The following CDH8 variants were observed in gnomAD, a reference collection of about 807,000 sequenced individuals.
CDH8 encodes cadherin 8.
A neutral mutation model predicts 68.1 loss-of-function variants in CDH8; 17 were observed. The ratio of observed to expected loss-of-function variants is 0.25; its 90% CI spans 0.17 to 0.37. The LOEUF (loss-of-function observed/expected upper bound fraction) is 0.37. Among genes scored for constraint, CDH8 ranks in the 10% least tolerant of loss-of-function variants. The probability of loss-of-function intolerance (pLI) is 1.00; values close to 1 mark genes in which losing one functional copy is unlikely to be tolerated. For synonymous variants in CDH8, 372 were observed against 365.1 expected (o/e 1.02, Z -0.21); for missense variants, 763 against 999.3 (o/e 0.76, Z 3.19).
At chr16:61,732,537 A>G (rs992536189) in intron 8 of CDH8, among the ~76,000 whole-genome samples, 1 of 151,832 alleles carries the variant, frequency 6.6e-6, no homozygotes, top group Non-Finnish European at 1.5e-5. Flanking sequence ...TCTTTCATAA[A>G]TGAAGGTAAA....
chr16:61,726,042 A>G (rs539244680), intron 9 of CDH8: 4 of 145,670 alleles, frequency 2.7e-5, no homozygotes, highest in African/African-American at 1.1e-4. Flanking sequence ...AATAAAGCAT[A>G]CAGCTACAGT....
intron 2 of CDH8, among the ~76,000 whole-genome samples, chr16:61,921,196 T>TATAC (rs1964360511): frequency 6.6e-6 from 1 of 151,024 alleles, no homozygotes; most frequent in Non-Finnish European, 1.5e-5. Context: ...ATGGCACATG[T>TATAC]ATACATATGT....
intron 3 of CDH8, among the ~76,000 whole-genome samples, chr16:61,871,129 AACAC>A (rs569789394): frequency 2.7e-5 from 4 of 150,024 alleles, no homozygotes; most frequent in Non-Finnish European, 4.5e-5. Context: ...CAGCCAGGAA[AACAC>A]ACACACACAC....
At chr16:61,654,534 A>G (rs1023788002) in intron 11 of CDH8, among the ~76,000 whole-genome samples, 33 of 152,170 alleles carry the variant, frequency 2.2e-4, no homozygotes, top group African/African-American at 7.2e-4. Flanking sequence ...GGGCTTTCAC[A>G]GTTTTTCAAG....
chr16:61,719,126 C>T (rs764883696), intron 9 of CDH8, among the ~76,000 whole-genome samples: 6 of 143,048 alleles, frequency 4.2e-5, no homozygotes, highest in Non-Finnish European at 9.3e-5. Context: ...AATGAGCTCA[C>T]CATTTTTTTT....
At chr16:61,917,409 T>C (rs1171052478) in intron 2 of CDH8, among the ~76,000 whole-genome samples, 1 of 152,162 alleles carries the variant, frequency 6.6e-6, no homozygotes, top group East Asian at 1.9e-4. Context: ...CTGTCCCTCC[T>C]ACAAACAAGA....
intron 3 of CDH8, among the ~76,000 whole-genome samples, chr16:61,868,112 C>T (rs1229357033): frequency 6.6e-6 from 1 of 152,118 alleles, no homozygotes; most frequent in Non-Finnish European, 1.5e-5. Flanking sequence ...GCCTCTGAGT[C>T]TGCTATGAAT....
intron 2 of CDH8, among the ~76,000 whole-genome samples, chr16:61,983,673 A>G (rs1285662936): frequency 6.6e-6 from 1 of 152,138 alleles, no homozygotes; most frequent in African/African-American, 2.4e-5. Flanking sequence ...TTTAATTTGC[A>G]TGTCATCTTA....
chr16:61,836,558 A>G (rs7204387), intron 4 of CDH8, among the ~76,000 whole-genome samples: 9,010 of 152,064 alleles, frequency 0.059, 633 homozygotes, highest in East Asian at 0.23. Context: ...CTGTAAAGAC[A>G]GAGACAATAA....
chr16:61,984,988 T>C (rs572690658), intron 2 of CDH8, among the ~76,000 whole-genome samples: 85 of 152,332 alleles, frequency 5.6e-4, no homozygotes, highest in Non-Finnish European at 1.1e-3. Flanking sequence ...TTGGGGCCTT[T>C]TAAATCCAGG....
At chr16:61,657,246 A>G (rs1367609722) in intron 10 of CDH8, among the ~76,000 whole-genome samples, 1 of 152,096 alleles carries the variant, frequency 6.6e-6, no homozygotes, top group Non-Finnish European at 1.5e-5. Flanking sequence ...TTGGAAAACT[A>G]CTGTACCATA....
At chr16:62,034,935 T>C (rs1902416095) in intron 1 of CDH8, 3 of 152,252 alleles carry the variant, frequency 2.0e-5, no homozygotes, top group African/African-American at 7.2e-5. Context: ...TCTCCGCTGG[T>C]GGAGGCAAAC....
intron 4 of CDH8, among the ~76,000 whole-genome samples, chr16:61,830,173 G>A (rs1962425146): frequency 6.6e-6 from 1 of 151,794 alleles, no homozygotes; most frequent in Non-Finnish European, 1.5e-5. Context: ...TGTGTTTGAT[G>A]AGAAACTCTG....
At chr16:61,724,175 T>C (rs1340128106) in intron 9 of CDH8, among the ~76,000 whole-genome samples, 1 of 150,740 alleles carries the variant, frequency 6.6e-6, no homozygotes, top group African/African-American at 2.4e-5. Context: ...GAATGTCACC[T>C]TTAACTTCAG....
chr16:61,837,912 A>G (rs1962601524), intron 4 of CDH8, among the ~76,000 whole-genome samples: 2 of 152,174 alleles, frequency 1.3e-5, no homozygotes, highest in South Asian at 2.1e-4. Flanking sequence ...TGTATAAACA[A>G]GAGTCTGAGT....
chr16:61,970,638 TC>T (rs1036970786), intron 2 of CDH8, among the ~76,000 whole-genome samples: 5 of 152,210 alleles, frequency 3.3e-5, no homozygotes, highest in African/African-American at 1.2e-4. Context: ...TGGGGGATTT[TC>T]CCCACCCCAA....
chr16:61,788,088 TAA>T (rs34586856), intron 8 of CDH8, among the ~76,000 whole-genome samples: 25 of 133,172 alleles, frequency 1.9e-4, no homozygotes, highest in East Asian at 4.3e-4. Flanking sequence ...TAAAGTATAA[TAA>T]AAAAAAAAAA....
intron 8 of CDH8, among the ~76,000 whole-genome samples, chr16:61,772,164 G>T (rs1960793630): frequency 6.6e-6 from 1 of 151,896 alleles, no homozygotes; most frequent in Non-Finnish European, 1.5e-5. Flanking sequence ...CTCTCATCTG[G>T]ACCTCCCCCA....
intron 10 of CDH8, among the ~76,000 whole-genome samples, chr16:61,661,980 C>G (rs1432357481): frequency 6.7e-6 from 1 of 148,576 alleles, no homozygotes; most frequent in Non-Finnish European, 1.5e-5. Context: ...AAGAAAAAGC[C>G]TTTTGACTTT....
Sources: gnomAD v4.1 joint callset for allele counts (sites outside exome capture counted in the v4.1 genomes callset) on GRCh38, gnomAD v4.1.1 for gene constraint, MANE v1.5 for transcripts, NCBI Gene and HGNC (gene_info 2026-07-23, HGNC 2026-07-21) for gene names.